The following TIMM9 variants were observed in gnomAD, a reference collection of about 807,000 sequenced individuals.
TIMM9 encodes mitochondrial import inner membrane translocase subunit Tim9.
TIMM9 carries 10 observed loss-of-function variants against 13.4 expected under a neutral mutation model. The ratio of observed to expected loss-of-function variants is 0.75; its 90% confidence interval spans 0.46 to 1.26. The LOEUF (loss-of-function observed/expected upper bound fraction) is 1.26, where lower values mean the gene tolerates loss of function less well. Ranked by LOEUF, TIMM9 falls within the 50% of genes most tolerant of loss-of-function variation. TIMM9 has a pLI of 0.00. For synonymous variants in TIMM9, 32 were observed against 32.1 expected (o/e 1.00, Z 0.01); for missense variants, 87 against 100.8 (o/e 0.86, Z 0.58).
At chr14:58,415,385 C>T (rs1186857701) in intron 3 of TIMM9, among the ~76,000 whole-genome samples, 1 of 152,060 alleles carries the variant, frequency 6.6e-6, no homozygotes, top group Non-Finnish European at 1.5e-5. Context: ...AACAGATGCT[C>T]AACATTGATT....
chr14:58,426,072 G>A (rs927990225), intron 2 of TIMM9, among the ~76,000 whole-genome samples: 1 of 151,610 alleles, frequency 6.6e-6, no homozygotes, highest in Non-Finnish European at 1.5e-5. Flanking sequence ...AGCCAAGATC[G>A]CGCCACTGCA....
At chr14:58,411,306 GGCGTGGTGGCGCAT>G (rs2036206995) in intron 4 of TIMM9, among the ~76,000 whole-genome samples, 1 of 151,912 alleles carries the variant, frequency 6.6e-6, no homozygotes, top group South Asian at 2.1e-4. Flanking sequence ...AAATTAGCCA[GGCGTGGTGGCGCAT>G]GCCTGTAATC....
At chr14:58,421,762 A>C (rs1413714870) in intron 3 of TIMM9, among the ~76,000 whole-genome samples, 1 of 152,108 alleles carries the variant, frequency 6.6e-6, no homozygotes, top group Non-Finnish European at 1.5e-5. Context: ...TATTAAATGA[A>C]ATCACTGTTT....
chr14:58,427,433 T>A lies in TIMM9; in HGVS notation c.-345A>T, dbSNP rs1392290408. 1 of 656,244 alleles carries A rather than the reference T, an allele frequency of 1.5e-6. No individual in the cohort carries two copies. Among genetic ancestry groups the A allele is most frequent in the Non-Finnish European group, 2.5e-6 (1 of 392,902 alleles). The allele number at this position is 656,244 out of a possible 1,614,324, so 40.7% of individuals were successfully genotyped here. ...AACGGTCTTCGGAAGCGAAGCAGTG[T>A]CAACAGTCCCTGGTAAACACAAGTA... On this transcript the variant is annotated 5_prime_UTR_variant, in exon 1 of 6. Transcript: ENST00000395159.
At chr14:58,419,530 A>C (rs114403638) in intron 3 of TIMM9, among the ~76,000 whole-genome samples, 2,442 of 148,356 alleles carry the variant, frequency 0.016, 71 homozygotes, top group African/African-American at 0.056. Context: ...CACACACACA[A>C]AAATACACTC....
At chr14:58,414,736 C>CAAAAAAAAA (rs35380721) in intron 3 of TIMM9, among the ~76,000 whole-genome samples, 1 of 117,548 alleles carries the variant, frequency 8.5e-6, no homozygotes. Context: ...GACGCCATCT[C>CAAAAAAAAA]AAAAAAAAAA....
chr14:58,408,614 G>C lies in TIMM9; in HGVS notation c.*420C>G, dbSNP rs756825796. ...TTTCAACGTATCCACAGTCCAGTGA[G>C]AATACTATGGTACCATACAGTATAA... On this transcript the variant is annotated 3_prime_UTR_variant, in exon 6 of 6. Coordinates refer to ENST00000395159, the MANE Select transcript of TIMM9 (RefSeq NM_012460.4). The C allele has an allele frequency of 2.5e-6, 4 of 1,596,990 alleles. No individual in the cohort carries two copies. The highest frequency in any genetic ancestry group is 3.4e-6 in the Non-Finnish European group (4 of 1,165,318).
rs1340618743 is a variant in TIMM9 at position 58,410,831 on chromosome 14, C to G, written c.135+12G>C. 6.3e-7 allele frequency: 1 copy of G among 1,585,244 alleles called. No individual in the cohort carries two copies. Among genetic ancestry groups the G allele is most frequent in the Admixed American group, 1.8e-5 (1 of 55,502 alleles). ...AGGCTTGTAGAATTTTAGTGAGTAA[C>G]ACTTTTCATACCTCTTCAGGTTTTA... On this transcript the variant is annotated intron_variant, in intron 5 of 5. Transcript: ENST00000395159.
Sources: allele counts gnomAD v4.1 joint callset (sites outside exome capture counted in the v4.1 genomes callset), GRCh38; gene constraint gnomAD v4.1.1; transcripts MANE v1.5; gene names NCBI Gene and HGNC (gene_info 2026-07-23, HGNC 2026-07-21).